IQCM: variants seen among roughly 807,000 people sequenced by gnomAD.
IQCM encodes the protein IQ domain-containing protein M.
In IQCM, 45 loss-of-function variants were observed where a neutral mutation model predicts 57.6. That is an observed-to-expected ratio of 0.78 (90% confidence interval 0.62 to 1.00). IQCM has a LOEUF of 1.00. IQCM is among the 50% of genes least tolerant of loss of function. The pLI is 0.00. For missense variants in IQCM, 468 were observed against 511.6 expected (o/e 0.91, Z 0.82); for synonymous variants, 148 against 158.9 (o/e 0.93, Z 0.51).
intron 9 of IQCM, among the ~76,000 whole-genome samples, chr4:149,572,614 T>C (rs567864895): frequency 1.3e-5 from 2 of 152,132 alleles, no homozygotes; most frequent in East Asian, 3.9e-4. Flanking sequence ...TTCCTAACTA[T>C]GGTATAATAA....
intron 5 of IQCM, among the ~76,000 whole-genome samples, chr4:149,707,182 T>C (rs1237014720): frequency 1.3e-5 from 2 of 152,040 alleles, no homozygotes; most frequent in Non-Finnish European, 2.9e-5. Flanking sequence ...GTAAACTGGC[T>C]AATGGTAGTA....
Position 149,589,652 on chromosome 4 carries a change from T to C in IQCM, c.682-1655A>G, listed in dbSNP as rs1401843466. Among the ~76,000 whole-genome samples, 3 of 151,994 alleles carry C rather than the reference T, an allele frequency of 2.0e-5. No individual in the cohort carries two copies. In the East Asian group the frequency reaches 5.8e-4, roughly 29 times the overall value. On this transcript the variant is annotated intron_variant, in intron 8 of 13. Transcript: ENST00000636793. ...TCTTAAGAACTAACATTGACCTTTC[T>C]TCGGGAACACAACAATAACCCGGAA...
intron 7 of IQCM, among the ~76,000 whole-genome samples, chr4:149,641,531 G>A (rs532523362): frequency 1.3e-5 from 2 of 152,182 alleles, no homozygotes; most frequent in South Asian, 2.1e-4. Context: ...TAAAGTTTGT[G>A]TGTTTTCTCT....
chr4:149,511,170 C>T (rs1032823), intron 12 of IQCM, among the ~76,000 whole-genome samples: 23,706 of 152,032 alleles, frequency 0.16, 2,212 homozygotes, highest in South Asian at 0.33. Flanking sequence ...TCTCTAATTT[C>T]GCTGAGTTAA....
At chr4:149,632,927 C>T (rs898631586) in intron 7 of IQCM, among the ~76,000 whole-genome samples, 5 of 150,838 alleles carry the variant, frequency 3.3e-5, no homozygotes, top group Admixed American at 6.6e-5. Flanking sequence ...TTTGGGAGGC[C>T]GAGGCGGGTG....
At chr4:149,386,068 T>C (rs930456647) in intron 13 of IQCM, among the ~76,000 whole-genome samples, 1 of 152,054 alleles carries the variant, frequency 6.6e-6, no homozygotes, top group Non-Finnish European at 1.5e-5. Context: ...AGAAAAGTCG[T>C]AATAGTAGGA....
At chr4:149,607,261 T>C (rs1263774317) in intron 8 of IQCM, among the ~76,000 whole-genome samples, 1 of 152,142 alleles carries the variant, frequency 6.6e-6, no homozygotes, top group Non-Finnish European at 1.5e-5. Flanking sequence ...TTCAAAGTGC[T>C]GAAGGAAAAG....
intron 2 of IQCM, among the ~76,000 whole-genome samples, chr4:149,813,765 GA>G (rs1423126893): frequency 2.0e-5 from 3 of 152,010 alleles, no homozygotes; most frequent in Non-Finnish European, 4.4e-5. Context: ...TACCTTTAAA[GA>G]ATTCATTTAT....
chr4:149,494,190 A>T (rs1324786924), intron 12 of IQCM, among the ~76,000 whole-genome samples: 1 of 152,136 alleles, frequency 6.6e-6, no homozygotes, highest in African/African-American at 2.4e-5. Context: ...TTAACGGCTA[A>T]CATTTTGTGT....
At chr4:149,466,687 G>A (rs1411009369) in intron 12 of IQCM, among the ~76,000 whole-genome samples, 2 of 152,136 alleles carry the variant, frequency 1.3e-5, no homozygotes, top group Non-Finnish European at 2.9e-5. Flanking sequence ...TCTCAACAGA[G>A]AATTTTCATT....
At chr4:149,592,884 G>A (rs1436775232) in intron 8 of IQCM, among the ~76,000 whole-genome samples, 2 of 152,162 alleles carry the variant, frequency 1.3e-5, no homozygotes, top group Admixed American at 6.6e-5. Flanking sequence ...TTGAAGTCAG[G>A]TAGTGTGATG....
chr4:149,397,692 A>G (rs945508235), intron 13 of IQCM, among the ~76,000 whole-genome samples: 15 of 151,952 alleles, frequency 9.9e-5, no homozygotes, highest in Non-Finnish European at 2.9e-5. Flanking sequence ...TAATACAACA[A>G]TTTTTTAGTC....
intron 13 of IQCM, among the ~76,000 whole-genome samples, chr4:149,353,652 A>G (rs1222267257): frequency 6.6e-6 from 1 of 152,238 alleles, no homozygotes; most frequent in East Asian, 1.9e-4. Flanking sequence ...TGAACTTGAA[A>G]GACATTAAGT....
At chr4:149,638,995 G>C (rs1231284458) in intron 7 of IQCM, among the ~76,000 whole-genome samples, 1 of 152,130 alleles carries the variant, frequency 6.6e-6, no homozygotes, top group Non-Finnish European at 1.5e-5. Flanking sequence ...TTTACTTCTA[G>C]AGGTAGAGAG....
intron 13 of IQCM, among the ~76,000 whole-genome samples, chr4:149,407,346 A>C (rs1198020060): frequency 6.6e-6 from 1 of 152,192 alleles, no homozygotes; most frequent in Non-Finnish European, 1.5e-5. Flanking sequence ...TTATGGATTT[A>C]AGGGTACAAG....
At chr4:149,749,155 T>C (rs1319245853) in intron 2 of IQCM, among the ~76,000 whole-genome samples, 2 of 152,172 alleles carry the variant, frequency 1.3e-5, no homozygotes, top group Admixed American at 6.5e-5. Context: ...CATTTGGTAT[T>C]ATCTTTAAAA....
intron 12 of IQCM, among the ~76,000 whole-genome samples, chr4:149,443,689 G>GAAAGC (rs1736204491): frequency 8.2e-6 from 1 of 122,334 alleles, no homozygotes; most frequent in African/African-American, 2.9e-5. Flanking sequence ...GAAAGGAAAG[G>GAAAGC]AAAGGAAAGG....
chr4:149,375,610 G>C (rs1351180236), intron 13 of IQCM, among the ~76,000 whole-genome samples: 2 of 152,114 alleles, frequency 1.3e-5, no homozygotes, highest in African/African-American at 4.8e-5. Context: ...GAAAGAATAA[G>C]CACTTTTTGT....
At chr4:149,467,645 T>G (rs1262271850) in intron 12 of IQCM, among the ~76,000 whole-genome samples, 1 of 152,222 alleles carries the variant, frequency 6.6e-6, no homozygotes, top group Non-Finnish European at 1.5e-5. Context: ...GACTAGAAAT[T>G]TCAAGGTCTT....
Sources: gnomAD v4.1 joint callset for allele counts (sites outside exome capture counted in the v4.1 genomes callset) on GRCh38, gnomAD v4.1.1 for gene constraint, MANE v1.5 for transcripts, NCBI Gene and HGNC (gene_info 2026-07-23, HGNC 2026-07-21) for gene names.